ANK3: variants seen among roughly 807,000 people sequenced by gnomAD.
ANK3 encodes ankyrin-3.
In ANK3, 57 loss-of-function variants were observed where a neutral mutation model predicts 370.9. That is an observed-to-expected ratio of 0.15 (90% CI 0.12 to 0.19). The LOEUF (loss-of-function observed/expected upper bound fraction) is 0.19. Ranked by LOEUF, ANK3 falls within the 10% of genes least tolerant of loss-of-function variation. The pLI, the probability that ANK3 is intolerant of heterozygous loss-of-function variation, is 1.00. For missense variants in ANK3, 4,439 were observed against 5,302.1 expected (o/e 0.84, Z 5.06); for synonymous variants, 1,929 against 1,946.3 (o/e 0.99, Z 0.23).
intron 18 of ANK3, among the ~76,000 whole-genome samples, chr10:60,173,676 A>G (rs1346136471): frequency 6.6e-6 from 1 of 152,206 alleles, no homozygotes; most frequent in Non-Finnish European, 1.5e-5. Context: ...ACTAAAAGGA[A>G]GAGGGAGGCT....
intron 7 of ANK3, among the ~76,000 whole-genome samples, chr10:60,248,323 C>G (rs995505814): frequency 6.6e-6 from 1 of 152,162 alleles, no homozygotes; most frequent in Non-Finnish European, 1.5e-5. Context: ...TCTTCACATC[C>G]TTGCCAAGAC....
At chr10:60,135,338 A>G (rs2094289972) in intron 24 of ANK3, among the ~76,000 whole-genome samples, 1 of 152,226 alleles carries the variant, frequency 6.6e-6, no homozygotes, top group South Asian at 2.1e-4. Flanking sequence ...GGAGGCTGTC[A>G]TGAGATAGCT....
chr10:60,528,136 TC>T lies in ANK3; in HGVS notation c.96+87049del, dbSNP rs199701125. Among the ~76,000 whole-genome samples, 1,081 of 118,912 alleles carry T rather than the reference TC, an allele frequency of 9.1e-3. 25 individuals are homozygous for T. Among genetic ancestry groups the T allele is most frequent in the South Asian group, 0.025 (79 of 3,116 alleles). The allele number at this position is 118,912 out of a possible 152,430, so 78.0% of individuals were successfully genotyped here. A position where few individuals can be genotyped will look rare whatever the true frequency, so the allele number is the denominator to read the frequency against. ...TTTTCTTTTTTTCTTTTCTTCTTCT[TC>T]TTTTTTTTTTTTTTTTGAGACAGAG... On this transcript the variant is annotated intron_variant, in intron 2 of 43. Transcript: ENST00000373827.
upstream of ANK3, among the ~76,000 whole-genome samples, chr10:60,391,231 A>T (rs912510869): frequency 6.6e-6 from 1 of 152,200 alleles, no homozygotes; most frequent in African/African-American, 2.4e-5. Context: ...CTGGTCATAG[A>T]GTTACCAAGG....
chr10:60,501,283 C>T (rs116717306), intron 2 of ANK3, among the ~76,000 whole-genome samples: 2,348 of 152,198 alleles, frequency 0.015, 78 homozygotes, highest in African/African-American at 0.054. Flanking sequence ...TGATTTGAGT[C>T]CTAATAGAAA....
intron 2 of ANK3, among the ~76,000 whole-genome samples, chr10:60,567,268 A>C (rs1227884061): frequency 1.3e-5 from 2 of 152,176 alleles, no homozygotes; most frequent in African/African-American, 4.8e-5. Context: ...GTTAGGTGCT[A>C]ATGTAGCTAG....
Position 60,172,329 on chromosome 10 carries a change from G to A in ANK3, c.2457C>T (p.Thr819=), listed in dbSNP as rs201677725. The change falls in exon 21 of 44, where the codon ACC becomes ACT. Residue 819 remains threonine (T), a synonymous_variant. Coordinates refer to ENST00000280772, the MANE Select transcript of ANK3 (RefSeq NM_020987.5). ...ISVVDTLKIV[T]EETMTTTTVT... ...TTACAGTTGTGGTCATGGTCTCTTC[G>A]GTCACTATCTTCAGGGTGTCCACTA... 54 of 1,613,614 alleles carry A rather than the reference G, an allele frequency of 3.3e-5. No homozygotes were observed. Among genetic ancestry groups the A allele is most frequent in the African/African-American group, 6.7e-5 (5 of 74,894 alleles).
chr10:60,415,441 G>A (rs770216313), intron 2 of ANK3, among the ~76,000 whole-genome samples: 4 of 152,010 alleles, frequency 2.6e-5, no homozygotes, highest in Non-Finnish European at 5.9e-5. Flanking sequence ...ATCAGTGGTC[G>A]TCCCCGCCTC....
chr10:60,129,061 G>A (rs1184636772), intron 25 of ANK3, among the ~76,000 whole-genome samples: 1 of 152,190 alleles, frequency 6.6e-6, no homozygotes, highest in South Asian at 2.1e-4. Context: ...ATCCTATTTG[G>A]AGAGGAATGG....
intron 9 of ANK3, among the ~76,000 whole-genome samples, chr10:60,210,652 A>G (rs1351535443): frequency 6.6e-6 from 1 of 152,202 alleles, no homozygotes; most frequent in Non-Finnish European, 1.5e-5. Context: ...AAAAGCAGTA[A>G]TGGATTTAAA....
At chr10:60,482,587 A>AG (rs2075252424) in intron 2 of ANK3, among the ~76,000 whole-genome samples, 1 of 152,138 alleles carries the variant, frequency 6.6e-6, no homozygotes, top group Non-Finnish European at 1.5e-5. Flanking sequence ...TGTGAGCTCA[A>AG]TAGATCCTCC....
At chr10:60,566,009 A>G (rs2077451620) in intron 2 of ANK3, among the ~76,000 whole-genome samples, 2 of 152,216 alleles carry the variant, frequency 1.3e-5, no homozygotes, top group African/African-American at 2.4e-5. Context: ...TTCCAACACC[A>G]TGTGCTCACT....
chr10:60,598,384 T>C (rs2078016645), intron 2 of ANK3, among the ~76,000 whole-genome samples: 1 of 152,212 alleles, frequency 6.6e-6, no homozygotes, highest in Non-Finnish European at 1.5e-5. Flanking sequence ...CTTTCTAGGA[T>C]ACAAAAATAA....
chr10:60,097,407 C>G (rs1406927366), intron 28 of ANK3, among the ~76,000 whole-genome samples: 1 of 152,332 alleles, frequency 6.6e-6, no homozygotes, highest in East Asian at 1.9e-4. Flanking sequence ...ATCTAAGCAG[C>G]AGGCCTGATT....
intron 1 of ANK3, chr10:60,684,864 G>C: frequency 6.7e-7 from 1 of 1,490,802 alleles, no homozygotes; most frequent in African/African-American, 1.4e-5. Context: ...AAATAACTAG[G>C]TTATCAGAAA....
chr10:60,604,749 T>C (rs2078107753), intron 2 of ANK3, among the ~76,000 whole-genome samples: 3 of 152,160 alleles, frequency 2.0e-5, no homozygotes, highest in African/African-American at 7.2e-5. Flanking sequence ...TGCCCATCTA[T>C]AACATTTTCA....
At chr10:60,063,959 A>G (rs2081129571) in intron 39 of ANK3, among the ~76,000 whole-genome samples, 198 bp downstream of exon 39, 1 of 152,210 alleles carries the variant, frequency 6.6e-6, no homozygotes, top group African/African-American at 2.4e-5. Flanking sequence ...GCTTCTGAAG[A>G]ATAGAAGTTT....
upstream of ANK3, among the ~76,000 whole-genome samples, chr10:60,390,242 T>C (rs914893987): frequency 6.6e-6 from 1 of 152,222 alleles, no homozygotes; most frequent in Non-Finnish European, 1.5e-5. Flanking sequence ...TCAATCTAAA[T>C]GCATTTTGTG....
At chr10:60,146,746 CTGGG>C (rs2094846089) in intron 23 of ANK3, among the ~76,000 whole-genome samples, 1 of 152,190 alleles carries the variant, frequency 6.6e-6, no homozygotes, top group Non-Finnish European at 1.5e-5. Flanking sequence ...TCCCAAAGTG[CTGGG>C]ATTACAGACA....
Sources: allele counts gnomAD v4.1 joint callset (sites outside exome capture counted in the v4.1 genomes callset), GRCh38; gene constraint gnomAD v4.1.1; transcripts MANE v1.5; gene names NCBI Gene and HGNC (gene_info 2026-07-23, HGNC 2026-07-21).